Variants in CNTN1 observed in about 807,000 individuals in gnomAD.
CNTN1 encodes the protein contactin-1.
Under a neutral mutation model 126.4 loss-of-function variants are expected in CNTN1, and 38 were observed. The ratio of observed to expected loss-of-function variants is 0.30; its 90% CI spans 0.23 to 0.39. CNTN1 has a LOEUF of 0.39. CNTN1 is among the 10% of genes least tolerant of loss of function. The probability of loss-of-function intolerance (pLI) is 1.00; values close to 1 mark genes in which losing one functional copy is unlikely to be tolerated. For missense variants in CNTN1, 1,009 were observed against 1,248.4 expected (o/e 0.81, Z 2.89); for synonymous variants, 413 against 422.6 (o/e 0.98, Z 0.28).
chr12:40,971,146 G>C (rs1036157710), intron 15 of CNTN1, among the ~76,000 whole-genome samples: 1 of 152,150 alleles, frequency 6.6e-6, no homozygotes, highest in Non-Finnish European at 1.5e-5. Flanking sequence ...GGATCCACGA[G>C]ATTTGTTTCA....
rs769193585 is a variant in CNTN1 at position 40,936,846 on chromosome 12, C to T, written c.1051C>T (p.Pro351Ser). The T allele has an allele frequency of 2.5e-6, 4 of 1,613,324 alleles. No homozygotes were observed. The East Asian group carries it at 8.9e-5, about 36-fold the overall frequency. ...EVDIGSDLYW[P>S]CVATGKPIPT... ...GGACATAGGCAGTGATCTCTACTGG[C>T]CTTGTGTGGCCACAGGAAAGCCCAT... Residue 351 changes from proline to serine, a missense_variant, in exon 10 of 24, where the codon CCT (proline) becomes TCT (serine). Physicochemically the swap from Pro to Ser is moderately conservative, Grantham distance 74. Coordinates refer to ENST00000551295, the MANE Select transcript of CNTN1 (RefSeq NM_001843.4).
chr12:40,954,809 A>T (rs962898095), intron 14 of CNTN1, among the ~76,000 whole-genome samples: 1 of 152,110 alleles, frequency 6.6e-6, no homozygotes, highest in Non-Finnish European at 1.5e-5. Flanking sequence ...AGCTTCTATT[A>T]TCTTCTCCCC....
At chr12:40,961,366 A>G (rs1041424370) in intron 15 of CNTN1, among the ~76,000 whole-genome samples, 1 of 152,062 alleles carries the variant, frequency 6.6e-6, no homozygotes, top group African/African-American at 2.4e-5. Flanking sequence ...AAAAACATGT[A>G]TAGATGTTCT....
chr12:40,961,145 C>T (rs555157104), intron 15 of CNTN1, among the ~76,000 whole-genome samples: 3 of 151,962 alleles, frequency 2.0e-5, no homozygotes, highest in African/African-American at 4.8e-5. Context: ...GAAATAAAAA[C>T]GTATACAGCA....
At chr12:40,825,193 T>C (rs1941572408) in intron 1 of CNTN1, among the ~76,000 whole-genome samples, 2 of 152,130 alleles carry the variant, frequency 1.3e-5, no homozygotes, top group African/African-American at 4.8e-5. Context: ...GAGAGAAAAG[T>C]AGAAAGCATG....
intron 21 of CNTN1, 131 bp downstream of exon 21, chr12:41,025,467 A>G (rs1949017888): frequency 2.4e-6 from 2 of 838,922 alleles, no homozygotes; most frequent in South Asian, 2.8e-5. Flanking sequence ...ACAGCCACAC[A>G]AGATTTCCCT....
chr12:40,862,770 CCTT>C (rs1943162146), intron 1 of CNTN1, among the ~76,000 whole-genome samples: 1 of 152,134 alleles, frequency 6.6e-6, no homozygotes, highest in African/African-American at 2.4e-5. Flanking sequence ...GGTAAAGACT[CCTT>C]CTTTCACTGA....
chr12:41,028,623 G>T (rs577439967), intron 22 of CNTN1, among the ~76,000 whole-genome samples: 2 of 152,130 alleles, frequency 1.3e-5, no homozygotes, highest in East Asian at 1.9e-4. Context: ...AAGGAGAAAA[G>T]CTTATTTTAA....
chr12:40,786,813 T>G (rs1189788376), intron 1 of CNTN1, among the ~76,000 whole-genome samples: 1 of 152,166 alleles, frequency 6.6e-6, no homozygotes, highest in African/African-American at 2.4e-5. Context: ...GTGGGATCTA[T>G]CTAGAAGATT....
chr12:40,899,702 A>T (rs1358381021), intron 1 of CNTN1, among the ~76,000 whole-genome samples: 1 of 152,162 alleles, frequency 6.6e-6, no homozygotes, highest in African/African-American at 2.4e-5. Context: ...GAACTTTAGT[A>T]TGCCTACAAA....
chr12:40,744,572 A>G (rs1048256395), intron 1 of CNTN1, among the ~76,000 whole-genome samples: 2 of 152,146 alleles, frequency 1.3e-5, no homozygotes, highest in African/African-American at 4.8e-5. Context: ...AATCTTTGCA[A>G]GAAACTGCTG....
At chr12:40,715,303 T>C (rs1942022255) in intron 1 of CNTN1, among the ~76,000 whole-genome samples, 1 of 152,242 alleles carries the variant, frequency 6.6e-6, no homozygotes, top group Admixed American at 6.5e-5. Flanking sequence ...GTAGTAACTT[T>C]AGTGCCAACA....
At chr12:40,779,660 T>C (rs1939717131) in intron 1 of CNTN1, among the ~76,000 whole-genome samples, 1 of 151,908 alleles carries the variant, frequency 6.6e-6, no homozygotes, top group South Asian at 2.1e-4. Flanking sequence ...GTTTTCCTAT[T>C]ATTGACTGTA....
At chr12:41,024,454 T>G (rs1252758738) in intron 20 of CNTN1, among the ~76,000 whole-genome samples, 1 of 152,152 alleles carries the variant, frequency 6.6e-6, no homozygotes, top group East Asian at 1.9e-4. Context: ...TAACTTTTCT[T>G]AAACTTTAAG....
At chr12:40,882,703 C>T (rs1386715386) in intron 1 of CNTN1, among the ~76,000 whole-genome samples, 1 of 151,572 alleles carries the variant, frequency 6.6e-6, no homozygotes, top group African/African-American at 2.4e-5. Flanking sequence ...CTTCACTAAG[C>T]CCACCTGGTG....
At chr12:41,024,776 G>A (rs1234808829) in intron 20 of CNTN1, among the ~76,000 whole-genome samples, 4 of 152,100 alleles carry the variant, frequency 2.6e-5, no homozygotes, top group Non-Finnish European at 4.4e-5. Flanking sequence ...GCAAACAGAA[G>A]TAAAACAGGA....
In CNTN1 at chr12:40,863,910, A is replaced by ACCTTCCTTCCTT. The variant is rs776354943; in HGVS notation, c.-76-44439_-76-44428dup. 1.7e-3 allele frequency among the ~76,000 whole-genome samples: 234 copies of ACCTTCCTTCCTT among 136,598 alleles called. 1 individual carries two copies. Among genetic ancestry groups the ACCTTCCTTCCTT allele is most frequent in the African/African-American group, 6.4e-3 (207 of 32,216 alleles). 89.6% of individuals were successfully genotyped at this position (136,598 alleles called of 152,430 possible). ...GGAGGATTAGGTGGGATCTGGACCG[A>ACCTTCCTTCCTT]CCTTCCTTCCTTCCTTCCTCCCTCC... On this transcript the variant is annotated intron_variant, in intron 1 of 23. Transcript: ENST00000551295.
chr12:40,870,773 C>A (rs1943458966), intron 1 of CNTN1, among the ~76,000 whole-genome samples: 1 of 152,052 alleles, frequency 6.6e-6, no homozygotes, highest in Admixed American at 6.6e-5. Flanking sequence ...CCAACCCAAA[C>A]ACACCGTCAC....
intron 16 of CNTN1, 139 bp downstream of exon 16, chr12:40,981,206 A>G: frequency 2.6e-6 from 2 of 763,898 alleles, no homozygotes; most frequent in South Asian, 3.5e-5. Context: ...AATGTATTCT[A>G]ATATTTTGGT....
Sources: allele counts gnomAD v4.1 joint callset (sites outside exome capture counted in the v4.1 genomes callset), GRCh38; gene constraint gnomAD v4.1.1; transcripts MANE v1.5; gene names NCBI Gene and HGNC (gene_info 2026-07-23, HGNC 2026-07-21).